Variants in DOCK5 observed in about 807,000 individuals in gnomAD.
DOCK5 encodes the protein dedicator of cytokinesis protein 5.
A neutral mutation model predicts 251.8 loss-of-function variants in DOCK5; 142 were observed. That is an observed-to-expected ratio of 0.56 (90% CI 0.49 to 0.65). The LOEUF (loss-of-function observed/expected upper bound fraction) is 0.65. Among genes scored for constraint, DOCK5 ranks in the 30% least tolerant of loss-of-function variants. The probability of loss-of-function intolerance (pLI) is 0.00; values close to 1 mark genes in which losing one functional copy is unlikely to be tolerated. For synonymous variants in DOCK5, 842 were observed against 835.5 expected (o/e 1.01, Z -0.13); for missense variants, 2,111 against 2,312.3 (o/e 0.91, Z 1.79).
intron 41 of DOCK5, 143 bp from the exon 42 acceptor site, chr8:25,390,063 T>C (rs1442571343): frequency 3.6e-6 from 2 of 561,018 alleles, no homozygotes; most frequent in Non-Finnish European, 3.1e-6. Flanking sequence ...AACTCCCATT[T>C]TCAGTGTGGT....
chr8:25,292,683 A>C (rs879558059), intron 6 of DOCK5, among the ~76,000 whole-genome samples: 1 of 152,158 alleles, frequency 6.6e-6, no homozygotes, highest in Admixed American at 6.5e-5. Flanking sequence ...GGCTGCAGTG[A>C]GCCATGATTG....
chr8:25,276,620 C>G (rs1804047328), intron 4 of DOCK5, among the ~76,000 whole-genome samples: 1 of 152,138 alleles, frequency 6.6e-6, no homozygotes, highest in Non-Finnish European at 1.5e-5. Context: ...CTAGAAAGAG[C>G]ATTCCCAGTT....
At chr8:25,296,410 C>G in intron 6 of DOCK5, 103 bp from the exon 7 acceptor site, 1 of 1,437,648 alleles carries the variant, frequency 7.0e-7, no homozygotes, top group South Asian at 1.3e-5. Context: ...TGTCCAGCAT[C>G]TCCCTTTCTA....
intron 13 of DOCK5, among the ~76,000 whole-genome samples, chr8:25,311,878 C>T (rs1482583739): frequency 2.0e-5 from 3 of 150,920 alleles, no homozygotes; most frequent in Non-Finnish European, 2.9e-5. Context: ...GCTATGATCG[C>T]ACCACTGCAA....
intron 26 of DOCK5, among the ~76,000 whole-genome samples, chr8:25,345,942 C>T (rs28532149): frequency 2.6e-5 from 4 of 152,196 alleles, no homozygotes; most frequent in African/African-American, 4.8e-5. Flanking sequence ...CTCCGCCTCC[C>T]GGGTTCACGC....
intron 37 of DOCK5, chr8:25,376,383 A>G (rs945026079): frequency 1.0e-6 from 1 of 984,702 alleles, no homozygotes; most frequent in African/African-American, 1.7e-5. Flanking sequence ...CTTTATTACT[A>G]AATTCTTATT....
intron 25 of DOCK5, 21 bp downstream of exon 25, chr8:25,342,528 GC>G: frequency 3.2e-6 from 5 of 1,539,968 alleles, no homozygotes; most frequent in Non-Finnish European, 4.4e-6. Context: ...TTCAAAACTT[GC>G]TGCATGAGGT....
intron 13 of DOCK5, among the ~76,000 whole-genome samples, chr8:25,316,290 G>A (rs1191759585): frequency 6.6e-6 from 1 of 152,108 alleles, no homozygotes; most frequent in African/African-American, 2.4e-5. Context: ...GACCAGTCTG[G>A]GCAATGTAGT....
At chr8:25,218,588 C>G (rs1189303044) in intron 1 of DOCK5, among the ~76,000 whole-genome samples, 3 of 152,200 alleles carry the variant, frequency 2.0e-5, no homozygotes, top group Non-Finnish European at 4.4e-5. Flanking sequence ...TTAAGTCCCT[C>G]CTGTGGTGTT....
chr8:25,283,476 C>T (rs1348169122), intron 5 of DOCK5, among the ~76,000 whole-genome samples: 1 of 152,176 alleles, frequency 6.6e-6, no homozygotes, highest in Non-Finnish European at 1.5e-5. Flanking sequence ...GCGTAGAACT[C>T]TGAGAGTATG....
At chr8:25,253,264 G>A (rs1803322368) in intron 2 of DOCK5, among the ~76,000 whole-genome samples, 3 of 152,200 alleles carry the variant, frequency 2.0e-5, no homozygotes, top group Admixed American at 1.3e-4. Context: ...TATTTGGGCA[G>A]CTCCTATGCA....
intron 1 of DOCK5, among the ~76,000 whole-genome samples, chr8:25,190,171 G>A (rs1801541219): frequency 1.3e-5 from 2 of 152,246 alleles, no homozygotes; most frequent in Admixed American, 1.3e-4. Context: ...ACAGGCGTGA[G>A]CCACCGCTCC....
intron 1 of DOCK5, among the ~76,000 whole-genome samples, chr8:25,237,183 A>G (rs936282792): frequency 5.3e-5 from 8 of 152,060 alleles, no homozygotes; most frequent in African/African-American, 1.9e-4. Context: ...CCTGTCCAAC[A>G]TGGTGAAACT....
intron 22 of DOCK5, among the ~76,000 whole-genome samples, chr8:25,340,259 G>C (rs962898257): frequency 3.3e-5 from 5 of 152,158 alleles, no homozygotes; most frequent in Admixed American, 3.3e-4. Flanking sequence ...TCTGATTAAC[G>C]ATCTCAGTGA....
At chr8:25,296,487 C>T in intron 6 of DOCK5, 26 bp from the exon 7 acceptor site, 3 of 1,597,834 alleles carry the variant, frequency 1.9e-6, no homozygotes, top group Non-Finnish European at 2.6e-6. Flanking sequence ...GTGAGGAGAA[C>T]CAGCTGACTA....
chr8:25,304,350 C>G (rs1355947083), intron 11 of DOCK5, 23 bp downstream of exon 11: 1 of 1,585,674 alleles, frequency 6.3e-7, no homozygotes, highest in South Asian at 1.2e-5. Flanking sequence ...GCATGTGTCC[C>G]AGGTGACTTG....
Position 25,369,599 on chromosome 8 carries a change from G to T in DOCK5, c.3482G>T (p.Gly1161Val). The change falls in exon 34 of 52, where the codon GGG becomes GTG. Residue 1161 changes from glycine (G) to valine (V), a missense_variant. Physicochemically the swap from Gly to Val is moderately radical, Grantham distance 109. Transcript: ENST00000276440. The stretch of plus-strand genomic sequence containing the variant: ...ACAAAGCTGGACCAGGAGGTAGAAG[G>T]GGGCAGAGGAGACGAACAATACAAG... ...LITKLDQEVE[G>V]GRGDEQYKVL... The T allele has an allele frequency of 1.9e-6, 3 of 1,611,994 alleles. No homozygotes were observed. Among genetic ancestry groups the T allele is most frequent in the Admixed American group, 1.7e-5 (1 of 59,732 alleles).
chr8:25,262,216 ACAGT>A (rs941832232), intron 2 of DOCK5, among the ~76,000 whole-genome samples: 2 of 152,174 alleles, frequency 1.3e-5, no homozygotes, highest in African/African-American at 4.8e-5. Flanking sequence ...AGTGATTGGC[ACAGT>A]CAATCTTTTT....
chr8:25,192,933 T>C (rs938607774), intron 1 of DOCK5, among the ~76,000 whole-genome samples: 4 of 152,192 alleles, frequency 2.6e-5, no homozygotes, highest in East Asian at 3.9e-4. Flanking sequence ...AAAGAAACAA[T>C]TGTAAAAATG....
Sources: gnomAD v4.1 joint callset for allele counts (sites outside exome capture counted in the v4.1 genomes callset) on GRCh38, gnomAD v4.1.1 for gene constraint, MANE v1.5 for transcripts, NCBI Gene and HGNC (gene_info 2026-07-23, HGNC 2026-07-21) for gene names.